DTX3L: variants seen among roughly 807,000 people sequenced by gnomAD.
DTX3L encodes E3 ubiquitin-protein ligase DTX3L.
DTX3L carries 34 observed loss-of-function variants against 60.9 expected under a neutral mutation model. The ratio of observed to expected loss-of-function variants is 0.56; its 90% confidence interval spans 0.42 to 0.74. The LOEUF is 0.74. Among genes scored for constraint, DTX3L ranks in the 30% least tolerant of loss-of-function variants. The pLI is 0.00. For synonymous variants in DTX3L, 290 were observed against 316.6 expected, an observed-to-expected ratio of 0.92 and a Z score of 0.89; for missense variants, 810 against 874.0, an observed-to-expected ratio of 0.93 and a Z score of 0.92.
chr3:122,565,740 A>T, intron 1 of DTX3L, 119 bp from the exon 2 acceptor site: 1 of 914,486 alleles, frequency 1.1e-6, no homozygotes, highest in Non-Finnish European at 1.7e-6. Context: ...TCCAGGATGC[A>T]GGGAGCAGCC....
rs1445724970 is a variant in DTX3L at position 122,569,737 on chromosome 3, G to A, written c.1648G>A (p.Ala550Thr). 2 of 1,614,006 alleles carry A rather than the reference G, an allele frequency of 1.2e-6. No individual in the cohort carries two copies. Among genetic ancestry groups the A allele is most frequent in the African/African-American group, 1.3e-5 (1 of 74,906 alleles). ...ACTCAAGGGCTCTGTGAGTTCTGAG[G>A]CCTCAGAACTGGACAAGAAGGAAAA... ...PPLKGSVSSEASELDKKEKGI... is the reference protein window; with the variant it reads ...PPLKGSVSSETSELDKKEKGI... Residue 550 changes from alanine to threonine, a missense_variant, in exon 3 of 5, where the codon GCC (alanine) becomes ACC (threonine). Coordinates refer to ENST00000296161, the MANE Select transcript of DTX3L (RefSeq NM_138287.3).
In DTX3L at chr3:122,569,811, A is replaced by G; in HGVS notation, c.1722A>G (p.Leu574=). ...CMDTISNKKV[L]PKCKHEFCAP... Reference sequence around the variant, plus strand: ...ACACCATTAGTAACAAAAAAGTGCTACCAAAGTGCAAGCATGAATTCTGCG... The same window carrying G: ...ACACCATTAGTAACAAAAAAGTGCTGCCAAAGTGCAAGCATGAATTCTGCG... The change falls in exon 3 of 5, where the codon CTA becomes CTG. Residue 574 remains leucine, a synonymous_variant. Transcript: ENST00000296161. 1 of 1,614,162 alleles carries G rather than the reference A, an allele frequency of 6.2e-7. No individual in the cohort carries two copies. The highest frequency in any genetic ancestry group is 8.5e-7 in the Non-Finnish European group (1 of 1,180,030).
At chr3:122,571,430 T>C (rs986155151) in intron 4 of DTX3L, among the ~76,000 whole-genome samples, 2 of 152,318 alleles carry the variant, frequency 1.3e-5, no homozygotes, top group East Asian at 3.9e-4. Context: ...AAATACATCA[T>C]ATTAATACTT....
At position 122,565,871 on chromosome 3, in the gene DTX3L, T is replaced by C. The variant is rs1397494643; in HGVS notation, c.200T>C (p.Val67Ala). 1 of 1,613,608 alleles carries C rather than the reference T, an allele frequency of 6.2e-7. No homozygotes were observed. Among genetic ancestry groups the C allele is most frequent in the South Asian group, 1.1e-5 (1 of 91,060 alleles). ...EFSERAAKER[V>A]LKKGEHQILV... ...GTCTCCACTGAAGCTAAGGAGAGAG[T>C]GTTGAAAAAAGGAGAGCACCAAATA... is the stretch of plus-strand genomic sequence containing the variant. The change falls in exon 2 of 5, where the codon GTG (valine) becomes GCG (alanine). Residue 67 changes from valine to alanine, a missense_variant. Physicochemically the swap from Val to Ala is moderately conservative, Grantham distance 64 (BLOSUM62 0). Coordinates refer to ENST00000296161, the MANE Select transcript of DTX3L (RefSeq NM_138287.3).
At chr3:122,570,409 T>C in intron 3 of DTX3L, 46 bp from the exon 4 acceptor site, 1 of 1,589,178 alleles carries the variant, frequency 6.3e-7, no homozygotes, top group Non-Finnish European at 8.6e-7. Context: ...TAGTAAAAAT[T>C]AGACAGGGCA....
rs544866878 is a variant in DTX3L, at chr3:122,564,717, G to A, written c.187+104G>A. 30 of 1,373,504 alleles carry A rather than the reference G, an allele frequency of 2.2e-5. No homozygotes were observed. The South Asian group carries it at 2.3e-4, about 10-fold the overall frequency. 85.1% of individuals were successfully genotyped at this position (1,373,504 alleles called of 1,614,324 possible). ...GACCTAGGGGAGAGGGCGGGAGAAA[G>A]TATGTCACTGTGCGGTGGCGGACAG... is the stretch of plus-strand genomic sequence containing the variant. On this transcript the variant is annotated intron_variant, in intron 1 of 4. Transcript: ENST00000296161.
In DTX3L at chr3:122,572,559, G is replaced by A. The variant is rs1193276509; in HGVS notation, c.*812G>A. 6.6e-6 allele frequency: 1 copy of A among 151,960 alleles called. No individual in the cohort carries two copies. Among genetic ancestry groups the A allele is most frequent in the Non-Finnish European group, 1.5e-5 (1 of 68,006 alleles). 9.4% of individuals were successfully genotyped at this position (151,960 alleles called of 1,614,324 possible). On this transcript the variant is annotated 3_prime_UTR_variant, in exon 5 of 5. Coordinates refer to ENST00000296161, the MANE Select transcript of DTX3L (RefSeq NM_138287.3). ...CATGAGTAGAGATTGGGCAAGCATTGGTAATAAATGGAATAAGACTATTAT... is the reference window on the plus strand; with the variant it reads ...CATGAGTAGAGATTGGGCAAGCATTAGTAATAAATGGAATAAGACTATTAT...
Position 122,569,326 on chromosome 3 carries a change from G to A in DTX3L, c.1237G>A (p.Gly413Ser). The change falls in exon 3 of 5, where the codon GGT (glycine) becomes AGT (serine). Residue 413 changes from glycine to serine, a missense_variant. By Grantham distance (56) the Gly-to-Ser change is moderately conservative (BLOSUM62 0). Coordinates refer to ENST00000296161, the MANE Select transcript of DTX3L (RefSeq NM_138287.3). ...CATTTGCAGCAAGGTTTCTGAGAAAGGTCAGAAAACCTGCATTCTGTTTGA... is the reference window on the plus strand; with the variant it reads ...CATTTGCAGCAAGGTTTCTGAGAAAAGTCAGAAAACCTGCATTCTGTTTGA... ...YDICSKVSEK[G>S]QKTCILFESK... The A allele has an allele frequency of 6.2e-7, 1 of 1,614,196 alleles. No homozygotes were observed. The highest frequency in any genetic ancestry group is 2.2e-5 in the East Asian group (1 of 44,886).
At position 122,569,202 on chromosome 3, in the gene DTX3L, C is replaced by T. The variant is rs771286732; in HGVS notation, c.1113C>T (p.Ala371=). 6 of 1,614,028 alleles carry T rather than the reference C, an allele frequency of 3.7e-6. No individual in the cohort carries two copies. Among genetic ancestry groups the T allele is most frequent in the Middle Eastern group, 3.3e-4 (2 of 6,062 alleles). The part of the protein sequence containing the change: ...FVKIPVKLFA[A]NYMMNVIEVD... The stretch of plus-strand genomic sequence containing the variant: ...AGATACCTGTGAAACTATTTGCTGC[C>T]AATTACATGATGAATGTAATTGAGG... The change falls in exon 3 of 5, where the codon GCC becomes GCT. Residue 371 remains alanine, a synonymous_variant. Transcript: ENST00000296161.
intron 2 of DTX3L, 78 bp downstream of exon 2, chr3:122,566,148 C>A (rs1010110321): frequency 1.5e-6 from 2 of 1,344,850 alleles, no homozygotes; most frequent in African/African-American, 1.5e-5. Context: ...TGATCCAACA[C>A]CCATGTGCTG....
At chr3:122,565,640 C>T (rs2080567717) in intron 1 of DTX3L, among the ~76,000 whole-genome samples, 1 of 151,364 alleles carries the variant, frequency 6.6e-6, no homozygotes, top group Admixed American at 6.6e-5. Flanking sequence ...GTTCCATTGT[C>T]ATTAAGCTTT....
At position 122,564,694 on chromosome 3, in the gene DTX3L, C is replaced by G; in HGVS notation, c.187+81C>G. The G allele has an allele frequency of 1.1e-5, 17 of 1,498,994 alleles. No individual in the cohort carries two copies. The South Asian group carries it at 2.1e-4, about 19-fold the overall frequency. The allele number at this position is 1,498,994 out of a possible 1,614,324, so 92.9% of individuals were successfully genotyped here. A position where few individuals can be genotyped will look rare whatever the true frequency, so the allele number is the denominator to read the frequency against. On this transcript the variant is annotated intron_variant, in intron 1 of 4. Coordinates refer to ENST00000296161, the MANE Select transcript of DTX3L (RefSeq NM_138287.3). ...TCCAGGCGGACCCAGTTCCAGCTGA[C>G]CTAGGGGAGAGGGCGGGAGAAAGTA... is the stretch of plus-strand genomic sequence containing the variant.
chr3:122,569,850 C>T lies in DTX3L; in HGVS notation c.1761C>T (p.Asn587=), dbSNP rs1202722273. The part of the protein sequence containing the change: ...CKHEFCAPCI[N]KAMSYKPICP... ...ATGAATTCTGCGCCCCTTGTATCAA[C>T]AAAGCCATGTCATATAAGCCAATCT... is the stretch of plus-strand genomic sequence containing the variant. The change falls in exon 3 of 5, where the codon AAC becomes AAT. Residue 587 remains asparagine, a synonymous_variant. Coordinates refer to ENST00000296161, the MANE Select transcript of DTX3L (RefSeq NM_138287.3). 6.2e-7 allele frequency: 1 copy of T among 1,614,174 alleles called. No individual in the cohort carries two copies. The highest frequency in any genetic ancestry group is 1.1e-5 in the South Asian group (1 of 91,084).
Position 122,569,900 on chromosome 3 carries a change from G to A in DTX3L, c.1811G>A (p.Gly604Asp). 5 of 1,614,142 alleles carry A rather than the reference G, an allele frequency of 3.1e-6. No homozygotes were observed. The highest frequency in any genetic ancestry group is 4.2e-6 in the Non-Finnish European group (5 of 1,180,028). Reference sequence around the variant, plus strand: ...TGTCCCACATGCCAGACTTCCTATGGTATTCAGAAAGGAAATCAGCCAGAG... The same window carrying A: ...TGTCCCACATGCCAGACTTCCTATGATATTCAGAAAGGAAATCAGCCAGAG... Reference protein sequence around the residue: ...PICPTCQTSYGIQKGNQPEGS... With the variant: ...PICPTCQTSYDIQKGNQPEGS... The change falls in exon 3 of 5, where the codon GGT becomes GAT. Residue 604 changes from glycine (G) to aspartate (D), a missense_variant. Physicochemically the swap from Gly to Asp is moderately conservative, Grantham distance 94 (BLOSUM62 -1). Coordinates refer to ENST00000296161, the MANE Select transcript of DTX3L (RefSeq NM_138287.3).
In DTX3L at chr3:122,574,689, G is replaced by C. The variant is rs1433619934; in HGVS notation, c.*2942G>C. On this transcript the variant is annotated 3_prime_UTR_variant, in exon 5 of 5. Transcript: ENST00000296161. ...AGTGGAAATGCTGGGGTATGAACCAGGTAGTCTGCCCCCATAGCTCTGCCC... is the reference window on the plus strand; with the variant it reads ...AGTGGAAATGCTGGGGTATGAACCACGTAGTCTGCCCCCATAGCTCTGCCC... The C allele has an allele frequency of 6.6e-6, 1 of 152,254 alleles. No homozygotes were observed. The highest frequency in any genetic ancestry group is 2.4e-5 in the African/African-American group (1 of 41,444). The allele number at this position is 152,254 out of a possible 1,614,324, so 9.4% of individuals were successfully genotyped here.
In DTX3L at chr3:122,565,996, G is replaced by A; in HGVS notation, c.325G>A (p.Ala109Thr). Residue 109 changes from alanine (A) to threonine (T), a missense_variant, in exon 2 of 5, where the codon GCA becomes ACA. Transcript: ENST00000296161. ...AATTTCTTCACTGACACAATCACAA[G>A]CAGAAACACCGTCTGGTGATATGCA... ...PQISSLTQSQ[A>T]ETPSGDMHQH... 1.2e-6 allele frequency: 2 copies of A among 1,614,130 alleles called. No individual in the cohort carries two copies. Among genetic ancestry groups the A allele is most frequent in the Non-Finnish European group, 1.7e-6 (2 of 1,180,038 alleles).
chr3:122,564,414 G>A lies in DTX3L; in HGVS notation c.-13G>A, dbSNP rs1372943440. The A allele has an allele frequency of 1.2e-6, 2 of 1,602,314 alleles. No homozygotes were observed. The highest frequency in any genetic ancestry group is 2.3e-5 in the East Asian group (1 of 44,170). ...CCTCCCGGAGCCCCCGCGCCCTCCCGACGCGCAGAGCCATGGCCTCCCACC... is the reference window on the plus strand; with the variant it reads ...CCTCCCGGAGCCCCCGCGCCCTCCCAACGCGCAGAGCCATGGCCTCCCACC... On this transcript the variant is annotated 5_prime_UTR_variant, in exon 1 of 5. Coordinates refer to ENST00000296161, the MANE Select transcript of DTX3L (RefSeq NM_138287.3).
chr3:122,570,881 A>C (rs1179264653), intron 4 of DTX3L, among the ~76,000 whole-genome samples: 1 of 152,156 alleles, frequency 6.6e-6, no homozygotes, highest in Admixed American at 6.5e-5. Context: ...GAGTTATTTA[A>C]ATTTTGCACC....
chr3:122,564,489 A>C lies in DTX3L; in HGVS notation c.63A>C (p.Arg21=), dbSNP rs749569376. Residue 21 remains arginine, a synonymous_variant, in exon 1 of 5, where the codon CGA becomes CGC. Transcript: ENST00000296161. The part of the protein sequence containing the change: ...LLVRVYKSGP[R]VRRKLESYFQ... ...TGCGGGTGTACAAGTCCGGCCCCCG[A>C]GTACGAAGGAAGCTGGAGAGCTACT... The C allele has an allele frequency of 6.2e-7, 1 of 1,612,750 alleles. No individual in the cohort carries two copies. Among genetic ancestry groups the C allele is most frequent in the Admixed American group, 1.7e-5 (1 of 59,986 alleles).
Sources: allele counts gnomAD v4.1 joint callset (sites outside exome capture counted in the v4.1 genomes callset), GRCh38; gene constraint gnomAD v4.1.1; transcripts MANE v1.5; gene names NCBI Gene and HGNC (gene_info 2026-07-23, HGNC 2026-07-21).